Variants in CROT observed in about 807,000 individuals in gnomAD.
CROT encodes peroxisomal carnitine O-octanoyltransferase.
A neutral mutation model predicts 89.2 loss-of-function variants in CROT; 84 were observed. The observed-to-expected ratio is 0.94, with a 90% CI of 0.79 to 1.13. The LOEUF is 1.13. Ranked by LOEUF, CROT falls within the 50% of genes most tolerant of loss-of-function variation. The pLI, the probability that CROT is intolerant of heterozygous loss-of-function variation, is 0.00. For synonymous variants in CROT, 212 were observed against 239.5 expected (o/e 0.89, Z 1.06); for missense variants, 711 against 727.8 (o/e 0.98, Z 0.27).
intron 2 of CROT, among the ~76,000 whole-genome samples, chr7:87,347,782 G>A (rs1170190172): frequency 6.6e-6 from 1 of 151,986 alleles, no homozygotes; most frequent in Admixed American, 6.5e-5. Flanking sequence ...TTCCATAAAT[G>A]AGGCCATGGT....
rs559766522 is a variant in CROT at position 87,351,259 on chromosome 7, C to T, written c.115+2076C>T. ...GGGAGGCAGAGCTTGCAGTGAGCCA[C>T]GATTGTGCCATTGCATTCCAGCCTG... On this transcript the variant is annotated intron_variant, in intron 3 of 17. Coordinates refer to ENST00000331536, the MANE Select transcript of CROT (RefSeq NM_021151.4). Among the ~76,000 whole-genome samples, 52 of 130,058 alleles carry T rather than the reference C, an allele frequency of 4.0e-4. No homozygotes were observed. In the South Asian group the frequency reaches 4.0e-3, roughly 10 times the overall value. 85.3% of individuals were successfully genotyped at this position (130,058 alleles called of 152,430 possible). A position where few individuals can be genotyped will look rare whatever the true frequency, so the allele number is the denominator to read the frequency against.
Position 87,376,014 on chromosome 7 carries a change from T to G in CROT, c.876+61T>G. 4 of 1,474,326 alleles carry G rather than the reference T, an allele frequency of 2.7e-6. No homozygotes were observed. In the South Asian group the frequency reaches 5.7e-5, roughly 21 times the overall value. The allele number at this position is 1,474,326 out of a possible 1,614,324, so 91.3% of individuals were successfully genotyped here. ...GATTTTTCTGGAAGACTCATATTTA[T>G]TGAACATGGAAGTTTTTTTTCTTTT... On this transcript the variant is annotated intron_variant, in intron 9 of 17. Coordinates refer to ENST00000331536, the MANE Select transcript of CROT (RefSeq NM_021151.4).
At chr7:87,353,214 C>T (rs1265589696) in intron 3 of CROT, among the ~76,000 whole-genome samples, 2 of 151,886 alleles carry the variant, frequency 1.3e-5, no homozygotes, top group African/African-American at 2.4e-5. Context: ...TTGGTGCAAT[C>T]TCAGCTCACT....
chr7:87,366,277 G>T (rs1451625262), intron 6 of CROT, among the ~76,000 whole-genome samples: 1 of 151,870 alleles, frequency 6.6e-6, no homozygotes, highest in Non-Finnish European at 1.5e-5. Context: ...TACAGGGCCT[G>T]TGGGAGGTGT....
chr7:87,368,785 G>T (rs1394820773), intron 6 of CROT, among the ~76,000 whole-genome samples: 1 of 152,174 alleles, frequency 6.6e-6, no homozygotes, highest in Non-Finnish European at 1.5e-5. Context: ...ATAGTCTGAG[G>T]TTTACAGCAA....
At chr7:87,383,152 A>G (rs1420984507) in intron 13 of CROT, among the ~76,000 whole-genome samples, 1 of 152,114 alleles carries the variant, frequency 6.6e-6, no homozygotes, top group East Asian at 1.9e-4. Context: ...TTTGAAATAT[A>G]CAACAAATTA....
intron 13 of CROT, among the ~76,000 whole-genome samples, chr7:87,383,757 A>G (rs1375979133): frequency 2.0e-5 from 3 of 152,090 alleles, no homozygotes; most frequent in African/African-American, 7.2e-5. Flanking sequence ...TTGGCCTCCC[A>G]AAGTGCTGGG....
chr7:87,372,855 T>C (rs1806686172), intron 7 of CROT, among the ~76,000 whole-genome samples: 2 of 152,206 alleles, frequency 1.3e-5, no homozygotes, highest in South Asian at 2.1e-4. Flanking sequence ...TATTCATCAG[T>C]TGATGGACAT....
At chr7:87,368,013 A>T (rs1005310606) in intron 6 of CROT, among the ~76,000 whole-genome samples, 4 of 152,082 alleles carry the variant, frequency 2.6e-5, no homozygotes, top group Non-Finnish European at 4.4e-5. Context: ...TTTCCTTCCC[A>T]TCATACTGGA....
chr7:87,349,759 C>T (rs572021663), intron 3 of CROT, among the ~76,000 whole-genome samples: 10 of 152,112 alleles, frequency 6.6e-5, no homozygotes, highest in Non-Finnish European at 1.2e-4. Flanking sequence ...GTTACTCTGG[C>T]TCTCCTGAGC....
intron 3 of CROT, among the ~76,000 whole-genome samples, chr7:87,354,873 C>T (rs1043347479): frequency 6.6e-6 from 1 of 152,208 alleles, no homozygotes; most frequent in Non-Finnish European, 1.5e-5. Context: ...TTTCTTTTCA[C>T]TGTAACCAAT....
At chr7:87,366,944 T>C (rs1255766289) in intron 6 of CROT, among the ~76,000 whole-genome samples, 1 of 152,174 alleles carries the variant, frequency 6.6e-6, no homozygotes, top group Admixed American at 6.5e-5. Flanking sequence ...GAGAAGACTG[T>C]TTTATGCCTT....
rs1201226134 is a variant in CROT at position 87,398,518 on chromosome 7, T to G, written c.1719-6T>G. The G allele has an allele frequency of 1.9e-6, 3 of 1,613,416 alleles. No homozygotes were observed. The highest frequency in any genetic ancestry group is 1.7e-5 in the Admixed American group (1 of 59,986). On this transcript the variant is annotated splice_polypyrimidine_tract_variant and splice_region_variant and intron_variant, in intron 17 of 17. Transcript: ENST00000331536. ...GTAATCATTAATCATTATTTATGCT[T>G]CACAGGTTTGTTGTGGCCTGTTCAG...
chr7:87,366,823 T>C (rs1310860856), intron 6 of CROT, among the ~76,000 whole-genome samples: 3 of 152,168 alleles, frequency 2.0e-5, no homozygotes, highest in Non-Finnish European at 2.9e-5. Flanking sequence ...TCTAGCAATT[T>C]ACTTGGCCAG....
intron 3 of CROT, among the ~76,000 whole-genome samples, chr7:87,353,350 A>G (rs1805939397): frequency 6.6e-6 from 1 of 151,896 alleles, no homozygotes. Context: ...GGTTTTGTCA[A>G]GTTGGCCAGG....
chr7:87,391,401 C>A (rs950199983), intron 13 of CROT, among the ~76,000 whole-genome samples, 188 bp from the exon 14 acceptor site: 2 of 152,118 alleles, frequency 1.3e-5, no homozygotes, highest in Non-Finnish European at 2.9e-5. Flanking sequence ...TTTGAAACAG[C>A]CCACATTATC....
At chr7:87,366,739 A>G (rs908309542) in intron 6 of CROT, among the ~76,000 whole-genome samples, 1 of 152,156 alleles carries the variant, frequency 6.6e-6, no homozygotes, top group African/African-American at 2.4e-5. Context: ...ACCTCTCCCC[A>G]GTACTGATGT....
intron 11 of CROT, 39 bp from the exon 12 acceptor site, chr7:87,382,035 T>C (rs1562936612): frequency 3.8e-6 from 6 of 1,572,700 alleles, no homozygotes; most frequent in Non-Finnish European, 5.2e-6. Context: ...TCCTAATAGT[T>C]CTATAGATAA....
At chr7:87,363,456 A>G (rs1313174417) in intron 6 of CROT, among the ~76,000 whole-genome samples, 1 of 152,166 alleles carries the variant, frequency 6.6e-6, no homozygotes, top group Non-Finnish European at 1.5e-5. Context: ...TCTTTTGTTT[A>G]GTTCACTTTT....
Sources: allele counts gnomAD v4.1 joint callset (sites outside exome capture counted in the v4.1 genomes callset), GRCh38; gene constraint gnomAD v4.1.1; transcripts MANE v1.5; gene names NCBI Gene and HGNC (gene_info 2026-07-23, HGNC 2026-07-21).